The following CBY2 variants were observed in gnomAD, a reference collection of about 807,000 sequenced individuals.
CBY2 encodes the protein protein chibby homolog 2.
Under a neutral mutation model 25.3 loss-of-function variants are expected in CBY2, and 23 were observed. The ratio of observed to expected loss-of-function variants is 0.91; its 90% CI spans 0.65 to 1.29. The LOEUF is 1.29. Ranked by LOEUF, CBY2 falls within the 50% of genes most tolerant of loss-of-function variation. The pLI is 0.00. For missense variants in CBY2, 642 were observed against 590.7 expected, an observed-to-expected ratio of 1.09 and a Z score of -0.90; for synonymous variants, 279 against 260.2, an observed-to-expected ratio of 1.07 and a Z score of -0.70.
Position 45,714,176 on chromosome 13 carries a change from A to C in CBY2, c.1151A>C (p.Gln384Pro). ...RLLQEENRTL[Q>P]VLRAEHRGFQ... ...CTGCAGGAGGAGAACAGGACCCTGC[A>C]GGTGCTACGGGCAGAGCACAGGGGC... Residue 384 changes from glutamine (Q) to proline (P), a missense_variant, in exon 3 of 3, where the codon CAG becomes CCG. Transcript: ENST00000310521. The C allele has an allele frequency of 3.1e-6, 5 of 1,610,710 alleles. No individual in the cohort carries two copies. The highest frequency in any genetic ancestry group is 4.2e-6 in the Non-Finnish European group (5 of 1,179,056).
At chr13:45,707,600 G>T (rs1192120118) in intron 2 of CBY2, among the ~76,000 whole-genome samples, 2 of 152,130 alleles carry the variant, frequency 1.3e-5, no homozygotes, top group African/African-American at 2.4e-5. Flanking sequence ...CCCAAGACTT[G>T]GGATGTCACA....
chr13:45,713,521 T>A lies in CBY2; in HGVS notation c.496T>A (p.Cys166Ser), dbSNP rs1419633575. 1.2e-6 allele frequency: 2 copies of A among 1,613,892 alleles called. No individual in the cohort carries two copies. The highest frequency in any genetic ancestry group is 2.2e-5 in the East Asian group (1 of 44,854). ...GCACCACAAGAGGCTGGCCAAGGAG[T>A]GCATGCTGCAGGAGGAGAACAAGTC... is the stretch of plus-strand genomic sequence containing the variant. ...KLHHKRLAKE[C>S]MLQEENKSLR... The change falls in exon 3 of 3, where the codon TGC becomes AGC. Residue 166 changes from cysteine (C) to serine (S), a missense_variant. Physicochemically the swap from Cys to Ser is moderately radical, Grantham distance 112. Transcript: ENST00000310521. The surrounding 1 kb of genome is among the most constrained non-coding windows in gnomAD (Gnocchi z 5.0).
rs1490676510 is a variant in CBY2 at position 45,714,074 on chromosome 13, C to T, written c.1049C>T (p.Pro350Leu). 1.3e-6 allele frequency: 2 copies of T among 1,524,886 alleles called. No individual in the cohort carries two copies. The highest frequency in any genetic ancestry group is 2.1e-5 in the Admixed American group (1 of 46,544). The allele number at this position is 1,524,886 out of a possible 1,614,324, so 94.5% of individuals were successfully genotyped here. A position where few individuals can be genotyped will look rare whatever the true frequency, so the allele number is the denominator to read the frequency against. The part of the protein sequence containing the change: ...EEEAKVGPGL[P>L]DGCQPLQLLR... The stretch of plus-strand genomic sequence containing the variant: ...GAGGCCAAGGTGGGCCCGGGCCTGC[C>T]CGACGGCTGCCAGCCCCTGCAGCTG... Residue 350 changes from proline (P) to leucine (L), a missense_variant, in exon 3 of 3, where the codon CCC (proline) becomes CTC (leucine). Pro to Leu is a moderately conservative substitution (Grantham distance 98). Transcript: ENST00000310521.
In CBY2 at chr13:45,702,405, A is replaced by G; in HGVS notation, c.15A>G (p.Glu5=). The G allele has an allele frequency of 6.2e-7, 1 of 1,614,158 alleles. No homozygotes were observed. Among genetic ancestry groups the G allele is most frequent in the East Asian group, 2.2e-5 (1 of 44,878 alleles). Residue 5 remains glutamate (E), a synonymous_variant, in exon 1 of 3, where the codon GAA becomes GAG. Coordinates refer to ENST00000310521, the MANE Select transcript of CBY2 (RefSeq NM_152719.3). MSPL[E]CSECFGDQLL... is the part of the protein sequence containing the mutation. ...ATTGTTTTGTGATGTCACCTCTGGA[A>G]TGTTCTGAGTGTTTTGGTGACCAAC...
In CBY2 at chr13:45,713,502, C is replaced by T. The variant is rs77438918; in HGVS notation, c.477C>T (p.His159=). ...CCTCCTTCCACCACAAGCTGCACCA[C>T]AAGAGGCTGGCCAAGGAGTGCATGC... is the stretch of plus-strand genomic sequence containing the variant. ...PSASFHHKLH[H]KRLAKECMLQ... is the part of the protein sequence containing the mutation. Residue 159 remains histidine (H), a synonymous_variant, in exon 3 of 3, where the codon CAC becomes CAT. Transcript: ENST00000310521. This position sits in a 1 kb window ranked among gnomAD's most constrained non-coding sequence, Gnocchi z 5.0. 5.2e-3 allele frequency: 8,314 copies of T among 1,614,204 alleles called. 277 individuals are homozygous for T. The South Asian group carries it at 0.056, about 11-fold the overall frequency.
Position 45,714,057 on chromosome 13 carries a change from G to T in CBY2, c.1032G>T (p.Lys344Asn). Residue 344 changes from lysine (K) to asparagine (N), a missense_variant, in exon 3 of 3, where the codon AAG (lysine) becomes AAT (asparagine). By Grantham distance (94) the Lys-to-Asn change is moderately conservative. Coordinates refer to ENST00000310521, the MANE Select transcript of CBY2 (RefSeq NM_152719.3). ...GGCCCTCCGGGGAGGAGGAGGCCAAGGTGGGCCCGGGCCTGCCCGACGGCT... is the reference window on the plus strand; with the variant it reads ...GGCCCTCCGGGGAGGAGGAGGCCAATGTGGGCCCGGGCCTGCCCGACGGCT... ...MSGPSGEEEAKVGPGLPDGCQ... is the reference protein window; with the variant it reads ...MSGPSGEEEANVGPGLPDGCQ... 1 of 1,507,140 alleles carries T rather than the reference G, an allele frequency of 6.6e-7. No homozygotes were observed. The highest frequency in any genetic ancestry group is 8.9e-7 in the Non-Finnish European group (1 of 1,126,718). 93.4% of individuals were successfully genotyped at this position (1,507,140 alleles called of 1,614,324 possible). A position where few individuals can be genotyped will look rare whatever the true frequency, so the allele number is the denominator to read the frequency against.
rs1165858998 is a variant in CBY2 at position 45,713,841 on chromosome 13, G to T, written c.816G>T (p.Glu272Asp). The T allele has an allele frequency of 1.3e-6, 2 of 1,524,036 alleles. No homozygotes were observed. The highest frequency in any genetic ancestry group is 4.1e-5 in the Admixed American group (2 of 49,258). The allele number at this position is 1,524,036 out of a possible 1,614,324, so 94.4% of individuals were successfully genotyped here. ...EQKQAYWAQA[E>D]DTAAPAEESK... Reference sequence around the variant, plus strand: ...AACAGGCCTACTGGGCGCAGGCAGAGGACACGGCCGCCCCTGCCGAGGAAA... The same window carrying T: ...AACAGGCCTACTGGGCGCAGGCAGATGACACGGCCGCCCCTGCCGAGGAAA... Residue 272 changes from glutamate to aspartate, a missense_variant, in exon 3 of 3, where the codon GAG (glutamate) becomes GAT (aspartate). Physicochemically the swap from Glu to Asp is conservative, Grantham distance 45. Transcript: ENST00000310521. The surrounding 1 kb of genome is among the most constrained non-coding windows in gnomAD (Gnocchi z 5.0).
chr13:45,711,010 CG>C (rs1215895976), intron 2 of CBY2, among the ~76,000 whole-genome samples: 1 of 152,152 alleles, frequency 6.6e-6, no homozygotes, highest in Admixed American at 6.5e-5. Context: ...TCTATCTGTA[CG>C]GTTGTGAAAG....
At chr13:45,706,891 A>G (rs1453642715) in intron 2 of CBY2, among the ~76,000 whole-genome samples, 3 of 152,184 alleles carry the variant, frequency 2.0e-5, no homozygotes, top group Admixed American at 6.5e-5. Context: ...CGCTGAGCTC[A>G]GATGCTTAGT....
In CBY2 at chr13:45,713,851, G is replaced by A. The variant is rs568377472; in HGVS notation, c.826G>A (p.Ala276Thr). 5.9e-6 allele frequency: 9 copies of A among 1,516,262 alleles called. No individual in the cohort carries two copies. Among genetic ancestry groups the A allele is most frequent in the African/African-American group, 5.5e-5 (4 of 72,248 alleles). 93.9% of individuals were successfully genotyped at this position (1,516,262 alleles called of 1,614,324 possible). ...AYWAQAEDTA[A>T]PAEESKPAPS... The stretch of plus-strand genomic sequence containing the variant: ...CTGGGCGCAGGCAGAGGACACGGCC[G>A]CCCCTGCCGAGGAAAGCAAGCCCGC... The change falls in exon 3 of 3, where the codon GCC becomes ACC. Residue 276 changes from alanine to threonine, a missense_variant. Coordinates refer to ENST00000310521, the MANE Select transcript of CBY2 (RefSeq NM_152719.3). The surrounding 1 kb of genome is among the most constrained non-coding windows in gnomAD (Gnocchi z 5.0).
Position 45,713,930 on chromosome 13 carries a change from C to T in CBY2, c.905C>T (p.Ser302Phe), listed in dbSNP as rs1303405035. ...CSPGLLQDQG[S>F]GLSSRFEEPK... Reference sequence around the variant, plus strand: ...CCCGGGCTGCTGCAGGACCAGGGCTCCGGCCTCTCCTCCCGCTTCGAGGAG... The same window carrying T: ...CCCGGGCTGCTGCAGGACCAGGGCTTCGGCCTCTCCTCCCGCTTCGAGGAG... The change falls in exon 3 of 3, where the codon TCC (serine) becomes TTC (phenylalanine). Residue 302 changes from serine (S) to phenylalanine (F), a missense_variant. Physicochemically the swap from Ser to Phe is radical, Grantham distance 155 (BLOSUM62 -2). Coordinates refer to ENST00000310521, the MANE Select transcript of CBY2 (RefSeq NM_152719.3). This position sits in a 1 kb window ranked among gnomAD's most constrained non-coding sequence, Gnocchi z 5.0. 1.3e-6 allele frequency: 2 copies of T among 1,535,086 alleles called. No individual in the cohort carries two copies. Among genetic ancestry groups the T allele is most frequent in the East Asian group, 2.4e-5 (1 of 40,838 alleles).
chr13:45,709,819 T>C (rs543959158), intron 2 of CBY2, among the ~76,000 whole-genome samples: 5 of 152,164 alleles, frequency 3.3e-5, no homozygotes, highest in Admixed American at 6.5e-5. Flanking sequence ...GGAAAAGATA[T>C]CATGTTCCCC....
intron 2 of CBY2, among the ~76,000 whole-genome samples, chr13:45,708,337 C>T (rs756529503): frequency 2.0e-5 from 3 of 152,170 alleles, no homozygotes; most frequent in Admixed American, 1.3e-4. Flanking sequence ...TTGCTGCCTG[C>T]GTTAATGCTT....
chr13:45,705,294 C>T (rs1294072831), intron 2 of CBY2, among the ~76,000 whole-genome samples: 1 of 152,166 alleles, frequency 6.6e-6, no homozygotes, highest in Non-Finnish European at 1.5e-5. Context: ...CAGACTTTCG[C>T]GTTTCCCCAA....
Position 45,705,337 on chromosome 13 carries a change from G to T in CBY2, c.156+2482G>T, listed in dbSNP as rs1018463040. ...GCTCTGTGAATTTCATTAAGGCATTGTTTACTCCTAGATCATTAATGAAAG... is the reference window on the plus strand; with the variant it reads ...GCTCTGTGAATTTCATTAAGGCATTTTTTACTCCTAGATCATTAATGAAAG... On this transcript the variant is annotated intron_variant, in intron 2 of 2. Coordinates refer to ENST00000310521, the MANE Select transcript of CBY2 (RefSeq NM_152719.3). Among the ~76,000 whole-genome samples the T allele has an allele frequency of 3.9e-5, 6 of 152,266 alleles. No homozygotes were observed. In the South Asian group the frequency reaches 1.2e-3, roughly 32 times the overall value.
intron 2 of CBY2, chr13:45,703,108 C>T (rs902974052): frequency 2.3e-6 from 3 of 1,304,934 alleles, no homozygotes; most frequent in Non-Finnish European, 2.9e-6. Flanking sequence ...TCCTAACATT[C>T]CAAGTTTCTA....
At chr13:45,702,971 A>C (rs1460063119) in intron 2 of CBY2, 116 bp downstream of exon 2, 41 of 1,149,270 alleles carry the variant, frequency 3.6e-5, no homozygotes, top group Middle Eastern at 4.0e-4. Flanking sequence ...TCAGGGCTTC[A>C]GATTATAGTT....
At chr13:45,703,622 T>G in intron 2 of CBY2, 1 of 1,534,354 alleles carries the variant, frequency 6.5e-7, no homozygotes, top group Non-Finnish European at 8.8e-7. Flanking sequence ...TCCAGGGATG[T>G]GTAGGAGGAG....
chr13:45,708,096 G>A (rs866945613), intron 2 of CBY2, among the ~76,000 whole-genome samples: 14 of 152,178 alleles, frequency 9.2e-5, no homozygotes, highest in East Asian at 1.9e-4. Flanking sequence ...TGGTGAGGTC[G>A]TTATAGAGGG....
Sources: gnomAD v4.1 joint callset for allele counts (sites outside exome capture counted in the v4.1 genomes callset) on GRCh38, gnomAD v4.1.1 for gene constraint, Gnocchi (gnomAD v3.1) non-coding constraint, MANE v1.5 for transcripts, NCBI Gene and HGNC (gene_info 2026-07-23, HGNC 2026-07-21) for gene names.